Variants in JARID2 observed in about 807,000 individuals in gnomAD.
JARID2 encodes protein Jumonji.
JARID2 carries 21 observed loss-of-function variants against 125.6 expected under a neutral mutation model. The ratio of observed to expected loss-of-function variants is 0.17; its 90% confidence interval spans 0.12 to 0.24. The LOEUF is 0.24. JARID2 is among the 10% of genes least tolerant of loss of function. The pLI is 1.00. For missense variants in JARID2, 1,303 were observed against 1,639.6 expected (o/e 0.79, Z 3.55); for synonymous variants, 736 against 661.6 (o/e 1.11, Z -1.73).
intron 4 of JARID2, among the ~76,000 whole-genome samples, chr6:15,462,017 C>T (rs1352388024): frequency 6.6e-6 from 1 of 152,088 alleles, no homozygotes; most frequent in Non-Finnish European, 1.5e-5. Flanking sequence ...GGGCTGCTTC[C>T]CTATCTCTGC....
chr6:15,247,423 CTTTT>C lies in JARID2; in HGVS notation c.45+850_45+853del, dbSNP rs10712805. On this transcript the variant is annotated intron_variant, in intron 1 of 17. Transcript: ENST00000341776. ...AGTGTTTTTGTTTTGTGTGTGGTGG[CTTTT>C]TTTTTTTTTTAAGTTTGAGGGGAGG... 4.4e-3 allele frequency: 3,871 copies of C among 880,102 alleles called. 7 individuals are homozygous for C. The highest frequency in any genetic ancestry group is 7.7e-3 in the Admixed American group (97 of 12,644). The allele number at this position is 880,102 out of a possible 1,614,324, so 54.5% of individuals were successfully genotyped here. A position where few individuals can be genotyped will look rare whatever the true frequency, so the allele number is the denominator to read the frequency against.
chr6:15,352,824 A>G (rs991666184), intron 1 of JARID2, among the ~76,000 whole-genome samples: 9 of 152,228 alleles, frequency 5.9e-5, no homozygotes, highest in African/African-American at 2.2e-4. Context: ...ATAAATACGC[A>G]TAGCATAGCG....
intron 5 of JARID2, among the ~76,000 whole-genome samples, chr6:15,475,492 C>T (rs1228812278): frequency 1.3e-5 from 2 of 152,212 alleles, no homozygotes; most frequent in African/African-American, 4.8e-5. Context: ...GTGCAACTAG[C>T]ATTTTCTCTT....
At chr6:15,411,652 A>C (rs1407846215) in intron 3 of JARID2, among the ~76,000 whole-genome samples, 2 of 152,236 alleles carry the variant, frequency 1.3e-5, no homozygotes, top group Non-Finnish European at 2.9e-5. Context: ...AATTATCACA[A>C]GAGAGTGATT....
chr6:15,269,590 T>G (rs1283473953), intron 1 of JARID2, among the ~76,000 whole-genome samples: 1 of 139,196 alleles, frequency 7.2e-6, no homozygotes, highest in Admixed American at 7.2e-5. Flanking sequence ...TTTTTTTTTT[T>G]GGTAGAGATG....
intron 1 of JARID2, among the ~76,000 whole-genome samples, chr6:15,350,741 T>TC (rs951818569): frequency 8.6e-5 from 13 of 151,904 alleles, no homozygotes; most frequent in Non-Finnish European, 1.8e-4. Flanking sequence ...TTTTTTTTTT[T>TC]TTTTTTTTGA....
chr6:15,308,164 T>C (rs969450076), intron 1 of JARID2, among the ~76,000 whole-genome samples: 4 of 152,250 alleles, frequency 2.6e-5, no homozygotes, highest in Non-Finnish European at 5.9e-5. Context: ...CTCATTATTA[T>C]ACTAGTGAAT....
intron 1 of JARID2, among the ~76,000 whole-genome samples, chr6:15,284,054 T>C (rs575199839): frequency 6.6e-6 from 1 of 152,308 alleles, no homozygotes; most frequent in African/African-American, 2.4e-5. Context: ...AAGTTTTAAA[T>C]TTTTCTGTAG....
chr6:15,479,254 T>C (rs567855030), intron 5 of JARID2, among the ~76,000 whole-genome samples: 3 of 152,314 alleles, frequency 2.0e-5, no homozygotes, highest in South Asian at 2.1e-4. Context: ...TCAGCACTTT[T>C]GGGGGCCAAG....
chr6:15,446,032 T>C (rs1413547215), intron 3 of JARID2, among the ~76,000 whole-genome samples: 2 of 152,220 alleles, frequency 1.3e-5, no homozygotes, highest in Non-Finnish European at 2.9e-5. Flanking sequence ...CTGTTGCTAT[T>C]GGATCTGTTT....
intron 17 of JARID2, among the ~76,000 whole-genome samples, chr6:15,519,295 T>C (rs1211083850): frequency 3.9e-5 from 6 of 152,212 alleles, no homozygotes; most frequent in African/African-American, 9.6e-5. Context: ...TATGGTGTTA[T>C]TACAGATACG....
At chr6:15,283,130 C>G (rs556482762) in intron 1 of JARID2, among the ~76,000 whole-genome samples, 1 of 151,476 alleles carries the variant, frequency 6.6e-6, no homozygotes, top group Non-Finnish European at 1.5e-5. Flanking sequence ...AGGCGCCCGC[C>G]ACCACGCCCG....
intron 2 of JARID2, among the ~76,000 whole-genome samples, chr6:15,385,522 G>T (rs1169507514): frequency 1.3e-5 from 2 of 150,232 alleles, no homozygotes; most frequent in East Asian, 3.9e-4. Context: ...GTTTTTTATA[G>T]ATATTATTTT....
At chr6:15,429,039 TCATC>T (rs1399402156) in intron 3 of JARID2, among the ~76,000 whole-genome samples, 1 of 150,286 alleles carries the variant, frequency 6.7e-6, no homozygotes, top group Non-Finnish European at 1.5e-5. Flanking sequence ...GAAAGCAACA[TCATC>T]CATATGTGAT....
At chr6:15,516,479 G>C (rs913207883) in intron 16 of JARID2, among the ~76,000 whole-genome samples, 2 of 152,218 alleles carry the variant, frequency 1.3e-5, no homozygotes, top group African/African-American at 4.8e-5. Context: ...GCAGCAGGGT[G>C]TCCACTGGCG....
chr6:15,289,394 G>A (rs751678910), intron 1 of JARID2, among the ~76,000 whole-genome samples: 15 of 151,808 alleles, frequency 9.9e-5, no homozygotes, highest in Non-Finnish European at 1.9e-4. Flanking sequence ...TTTTTAAATC[G>A]TTTGTTACTA....
At chr6:15,413,113 G>C in intron 3 of JARID2, among the ~76,000 whole-genome samples, 1 of 143,450 alleles carries the variant, frequency 7.0e-6, no homozygotes. Flanking sequence ...TCTGCCTCCC[G>C]GGCTCAAGGG....
At chr6:15,515,334 G>A (rs755536061) in intron 16 of JARID2, among the ~76,000 whole-genome samples, 7 of 152,100 alleles carry the variant, frequency 4.6e-5, no homozygotes, top group Non-Finnish European at 1.0e-4. Context: ...GCTGGAACAC[G>A]CTATTCATTT....
chr6:15,487,199 C>T, intron 5 of JARID2, 108 bp from the exon 6 acceptor site: 2 of 866,484 alleles, frequency 2.3e-6, no homozygotes, highest in East Asian at 5.3e-5. Context: ...ATGGGGATTA[C>T]AGTTGGACAT....
Sources: allele counts gnomAD v4.1 joint callset (sites outside exome capture counted in the v4.1 genomes callset), GRCh38; gene constraint gnomAD v4.1.1; transcripts MANE v1.5; gene names NCBI Gene and HGNC (gene_info 2026-07-23, HGNC 2026-07-21).